The following DYNC1I1 variants were observed in gnomAD, a reference collection of about 807,000 sequenced individuals.
DYNC1I1 encodes the protein cytoplasmic dynein 1 intermediate chain 1.
DYNC1I1 carries 43 observed loss-of-function variants against 86.6 expected under a neutral mutation model. That is an observed-to-expected ratio of 0.50 (90% CI 0.39 to 0.64). The LOEUF is 0.64. Ranked by LOEUF, DYNC1I1 falls within the 30% of genes least tolerant of loss-of-function variation. The probability of loss-of-function intolerance (pLI) is 0.00; values close to 1 mark genes in which losing one functional copy is unlikely to be tolerated. For missense variants in DYNC1I1, 604 were observed against 788.8 expected (o/e 0.77, Z 2.81); for synonymous variants, 262 against 283.7 (o/e 0.92, Z 0.77).
At chr7:95,995,216 C>T (rs1476501093) in intron 9 of DYNC1I1, among the ~76,000 whole-genome samples, 7 of 151,714 alleles carry the variant, frequency 4.6e-5, no homozygotes, top group Admixed American at 2.0e-4. Context: ...CACTGCACTC[C>T]AGCCTGGGCA....
chr7:95,813,189 T>C, intron 3 of DYNC1I1, 58 bp from the exon 4 acceptor site: 2 of 1,612,392 alleles, frequency 1.2e-6, no homozygotes, highest in Middle Eastern at 1.7e-4. Context: ...ACACTGCTCT[T>C]CACCAGTGCA....
intron 4 of DYNC1I1, among the ~76,000 whole-genome samples, chr7:95,824,887 C>G (rs1006195579): frequency 6.6e-6 from 1 of 152,186 alleles, no homozygotes; most frequent in Admixed American, 6.5e-5. Flanking sequence ...CTAGGCTATC[C>G]CTGGAAACAC....
intron 1 of DYNC1I1, among the ~76,000 whole-genome samples, chr7:95,786,153 G>T (rs1481134460): frequency 3.3e-5 from 5 of 151,870 alleles, no homozygotes; most frequent in Non-Finnish European, 5.9e-5. Flanking sequence ...AATAGCCCTG[G>T]GTCAGTTATG....
chr7:95,833,884 G>T (rs1296690178), intron 5 of DYNC1I1, among the ~76,000 whole-genome samples: 1 of 149,760 alleles, frequency 6.7e-6, no homozygotes. Context: ...AGACAATGGG[G>T]TTTTCTAGAT....
intron 2 of DYNC1I1, among the ~76,000 whole-genome samples, chr7:95,806,977 G>A (rs774265795): frequency 4.6e-5 from 7 of 152,140 alleles, no homozygotes; most frequent in Non-Finnish European, 7.4e-5. Context: ...GTGGGTATGG[G>A]TCCTCTCTAA....
intron 10 of DYNC1I1, 43 bp from the exon 11 acceptor site, chr7:96,028,132 A>G (rs1284997722): frequency 3.7e-6 from 6 of 1,602,146 alleles, no homozygotes; most frequent in Non-Finnish European, 5.1e-6. Context: ...ACCTACAACC[A>G]TTTCACATTG....
At chr7:95,949,005 A>G (rs924701835) in intron 6 of DYNC1I1, among the ~76,000 whole-genome samples, 1 of 152,186 alleles carries the variant, frequency 6.6e-6, no homozygotes, top group South Asian at 2.1e-4. Context: ...TCCCAGGCCA[A>G]GTCTTCCCAG....
chr7:95,989,703 A>C (rs918239214), intron 9 of DYNC1I1, among the ~76,000 whole-genome samples: 10 of 152,214 alleles, frequency 6.6e-5, no homozygotes, highest in African/African-American at 2.4e-4. Context: ...GTTGGAAATA[A>C]CAGAAACTCT....
chr7:96,085,631 C>A (rs996715377), intron 16 of DYNC1I1, among the ~76,000 whole-genome samples: 1 of 152,162 alleles, frequency 6.6e-6, no homozygotes, highest in Non-Finnish European at 1.5e-5. Flanking sequence ...TTATGCGAAT[C>A]TGAATCTGAC....
intron 6 of DYNC1I1, among the ~76,000 whole-genome samples, chr7:95,908,009 T>G (rs1791221134): frequency 6.6e-6 from 1 of 152,276 alleles, no homozygotes; most frequent in South Asian, 2.1e-4. Context: ...GTTAACTATG[T>G]TTTATTTACT....
At chr7:95,867,791 G>A (rs1360338983) in intron 5 of DYNC1I1, among the ~76,000 whole-genome samples, 1 of 152,138 alleles carries the variant, frequency 6.6e-6, no homozygotes, top group African/African-American at 2.4e-5. Flanking sequence ...CCACTTCCTT[G>A]TTTATAATAA....
chr7:95,818,068 A>G (rs1473327125), intron 4 of DYNC1I1, among the ~76,000 whole-genome samples: 1 of 152,212 alleles, frequency 6.6e-6, no homozygotes, highest in Non-Finnish European at 1.5e-5. Flanking sequence ...CAACGTGATA[A>G]CATACTGTGC....
intron 14 of DYNC1I1, among the ~76,000 whole-genome samples, chr7:96,042,843 C>A (rs1789092002): frequency 6.6e-6 from 1 of 151,972 alleles, no homozygotes; most frequent in Admixed American, 6.6e-5. Context: ...GGGACTTTTT[C>A]TTTACAGAAT....
intron 6 of DYNC1I1, among the ~76,000 whole-genome samples, chr7:95,918,961 G>A (rs1791540400): frequency 6.6e-6 from 1 of 152,098 alleles, no homozygotes; most frequent in Non-Finnish European, 1.5e-5. Flanking sequence ...CTTCTCAACA[G>A]TTTTAGGAAC....
chr7:95,946,048 A>G (rs1239398300), intron 6 of DYNC1I1, among the ~76,000 whole-genome samples: 1 of 152,122 alleles, frequency 6.6e-6, no homozygotes, highest in African/African-American at 2.4e-5. Context: ...AAACTAACAC[A>G]GGAACAGAAT....
At chr7:96,011,729 C>CT (rs1794280022) in intron 10 of DYNC1I1, among the ~76,000 whole-genome samples, 1 of 152,164 alleles carries the variant, frequency 6.6e-6, no homozygotes, top group Non-Finnish European at 1.5e-5. Context: ...CAAGACATAT[C>CT]TTTCTGTCAA....
chr7:96,087,333 C>T (rs1456747893), intron 16 of DYNC1I1, among the ~76,000 whole-genome samples: 2 of 152,260 alleles, frequency 1.3e-5, no homozygotes, highest in South Asian at 2.1e-4. Flanking sequence ...TTTTAATAAC[C>T]GTGCTTTATG....
At chr7:95,852,640 A>G (rs528385125) in intron 5 of DYNC1I1, among the ~76,000 whole-genome samples, 158 of 151,766 alleles carry the variant, frequency 1.0e-3, no homozygotes, top group Non-Finnish European at 1.8e-3. Flanking sequence ...CCGGGTAGCG[A>G]GGATTACAGG....
At chr7:95,961,092 T>C (rs1197392592) in intron 6 of DYNC1I1, among the ~76,000 whole-genome samples, 2 of 152,188 alleles carry the variant, frequency 1.3e-5, no homozygotes, top group African/African-American at 4.8e-5. Context: ...GGTAGTAGCA[T>C]GCTCGACAGG....
Sources: gnomAD v4.1 joint callset for allele counts (sites outside exome capture counted in the v4.1 genomes callset) on GRCh38, gnomAD v4.1.1 for gene constraint, MANE v1.5 for transcripts, NCBI Gene and HGNC (gene_info 2026-07-23, HGNC 2026-07-21) for gene names.